VEPH1: variants seen among roughly 807,000 people sequenced by gnomAD.
VEPH1 encodes ventricular zone expressed PH domain containing 1.
In VEPH1, 80 loss-of-function variants were observed where a neutral mutation model predicts 85.2. The observed-to-expected ratio is 0.94, with a 90% CI of 0.78 to 1.13. VEPH1 has a LOEUF of 1.13. VEPH1 is among the 50% of genes most tolerant of loss of function. The probability of loss-of-function intolerance (pLI) is 0.00; values close to 1 mark genes in which losing one functional copy is unlikely to be tolerated. For missense variants in VEPH1, 955 were observed against 980.5 expected (o/e 0.97, Z 0.35); for synonymous variants, 297 against 348.0 (o/e 0.85, Z 1.63).
At chr3:157,364,244 A>G (rs1205198150) in intron 8 of VEPH1, 59 bp downstream of exon 8, 2 of 1,361,616 alleles carry the variant, frequency 1.5e-6, no homozygotes, top group Non-Finnish European at 2.0e-6. Context: ...CAGAGTGATA[A>G]CAAAGCTAAT....
chr3:157,467,215 G>A (rs972906058), intron 3 of VEPH1, among the ~76,000 whole-genome samples: 1 of 151,660 alleles, frequency 6.6e-6, no homozygotes, highest in African/African-American at 2.4e-5. Flanking sequence ...AATGGCCAAG[G>A]GTGCAGGAAG....
chr3:157,437,975 C>T, intron 4 of VEPH1: 1 of 1,504,320 alleles, frequency 6.6e-7, no homozygotes, highest in Non-Finnish European at 8.8e-7. Context: ...GCGCGCGTAA[C>T]GGCAAGCCAA....
intron 7 of VEPH1, among the ~76,000 whole-genome samples, chr3:157,378,952 T>C (rs1728459239): frequency 6.6e-6 from 1 of 152,226 alleles, no homozygotes; most frequent in South Asian, 2.1e-4. Flanking sequence ...GCTCTCATCA[T>C]TTTGTCTAGA....
intron 11 of VEPH1, among the ~76,000 whole-genome samples, chr3:157,289,674 C>T (rs1031371248): frequency 3.9e-5 from 6 of 152,336 alleles, no homozygotes; most frequent in African/African-American, 1.2e-4. Flanking sequence ...CTTCTTTACC[C>T]TTCTGGGTCC....
intron 2 of VEPH1, among the ~76,000 whole-genome samples, chr3:157,481,685 A>G (rs1738112193): frequency 6.6e-6 from 1 of 152,092 alleles, no homozygotes; most frequent in Admixed American, 6.6e-5. Flanking sequence ...TCCCAAGACC[A>G]ATGTCCAAAA....
chr3:157,317,060 AC>A lies in VEPH1; in HGVS notation c.1875+1del, dbSNP rs1720826888. The A allele has an allele frequency of 1.9e-6, 3 of 1,610,576 alleles. No homozygotes were observed. Among genetic ancestry groups the A allele is most frequent in the Non-Finnish European group, 2.5e-6 (3 of 1,178,418 alleles). On this transcript the variant is annotated splice_donor_variant, in intron 10 of 13. Transcript: ENST00000362010. LOFTEE classifies it high-confidence loss of function. ...AGCCTGATGAACACAAATTATACAA[AC>A]CTGCTGAAATAGAAACATGATCTGG...
chr3:157,438,302 C>A (rs900122708), intron 4 of VEPH1, among the ~76,000 whole-genome samples: 1 of 152,046 alleles, frequency 6.6e-6, no homozygotes, highest in African/African-American at 2.4e-5. Context: ...AGCTTCCCTC[C>A]GTTAGGGATT....
At position 157,381,278 on chromosome 3, in the gene VEPH1, G is replaced by A. The variant is rs781661788; in HGVS notation, c.1005C>T (p.Thr335=). ...GGCCCAAGATTGAGGAGAAGGTGTC[G>A]GTGATGCTTTTAATCTCCAGCAGGA... The part of the protein sequence containing the change: ...HILLLEIKSI[T]DTFSSILGPQ... Residue 335 remains threonine (T), a synonymous_variant, in exon 7 of 14, where the codon ACC becomes ACT. Transcript: ENST00000362010. The A allele has an allele frequency of 1.2e-5, 20 of 1,613,910 alleles. No individual in the cohort carries two copies. Among genetic ancestry groups the A allele is most frequent in the African/African-American group, 8.0e-5 (6 of 74,854 alleles).
chr3:157,323,333 T>C (rs1302758431), intron 9 of VEPH1, among the ~76,000 whole-genome samples: 1 of 152,228 alleles, frequency 6.6e-6, no homozygotes, highest in East Asian at 1.9e-4. Flanking sequence ...TTTAATCATT[T>C]GATGTTTTCA....
rs569715162 is a variant in VEPH1 at position 157,397,480 on chromosome 3, G to T, written c.907-16104C>A. Among the ~76,000 whole-genome samples, 863 of 152,254 alleles carry T rather than the reference G, an allele frequency of 5.7e-3. 10 individuals carry two copies. Among genetic ancestry groups the T allele is most frequent in the African/African-American group, 0.02 (827 of 41,542 alleles). On this transcript the variant is annotated intron_variant, in intron 6 of 13. Coordinates refer to ENST00000362010, the MANE Select transcript of VEPH1 (RefSeq NM_001167912.2). ...AATTCTGTGAAGAATGTTAATGGTA[G>T]TTTAGTGGGAATAGCATTGAATCTA...
At chr3:157,407,228 T>G (rs1248209225) in intron 6 of VEPH1, among the ~76,000 whole-genome samples, 1 of 152,038 alleles carries the variant, frequency 6.6e-6, no homozygotes, top group Non-Finnish European at 1.5e-5. Flanking sequence ...AGTTTGGGTT[T>G]AACTTAAACC....
Position 157,348,469 on chromosome 3 carries a change from A to C in VEPH1, c.1735+14895T>G, listed in dbSNP as rs1724491058. ...TGTAACTGGGGTGAGGCAATACCTC[A>C]TTGTGGTTTTGGTTTGCATTTCTTT... is the stretch of plus-strand genomic sequence containing the variant. On this transcript the variant is annotated intron_variant, in intron 9 of 13. Transcript: ENST00000362010. Among the ~76,000 whole-genome samples the C allele has an allele frequency of 2.0e-5, 3 of 151,652 alleles. No homozygotes were observed. The South Asian group carries it at 6.2e-4, about 32-fold the overall frequency.
chr3:157,480,732 T>A (rs1737962947), intron 2 of VEPH1, among the ~76,000 whole-genome samples: 1 of 152,194 alleles, frequency 6.6e-6, no homozygotes, highest in African/African-American at 2.4e-5. Context: ...ATGTCTTTGC[T>A]ATTGTGAATA....
rs370824292 is a variant in VEPH1, at chr3:157,364,434, A to G, written c.1206T>C (p.His402=). ...TKLIVTENED[H]EKLQVKIQAF... is the part of the protein sequence containing the mutation. The stretch of plus-strand genomic sequence containing the variant: ...CCTGGATTTTAACTTGGAGTTTTTC[A>G]TGGTCTTCATTTTCAGTTACTATGA... Residue 402 remains histidine, a synonymous_variant, in exon 8 of 14, where the codon CAT becomes CAC. Coordinates refer to ENST00000362010, the MANE Select transcript of VEPH1 (RefSeq NM_001167912.2). The G allele has an allele frequency of 3.7e-6, 6 of 1,613,798 alleles. No homozygotes were observed. The highest frequency in any genetic ancestry group is 1.3e-5 in the African/African-American group (1 of 74,906).
intron 9 of VEPH1, among the ~76,000 whole-genome samples, chr3:157,360,437 A>G (rs1024835549): frequency 1.3e-5 from 2 of 152,152 alleles, no homozygotes; most frequent in African/African-American, 4.8e-5. Context: ...AAAAGAAAGT[A>G]TTCTTTTTTT....
At chr3:157,409,424 C>T (rs1247665215) in intron 6 of VEPH1, among the ~76,000 whole-genome samples, 1 of 152,020 alleles carries the variant, frequency 6.6e-6, no homozygotes, top group African/African-American at 2.4e-5. Flanking sequence ...ATCGGTTCTC[C>T]CAGAAGCAAA....
intron 9 of VEPH1, among the ~76,000 whole-genome samples, chr3:157,338,346 A>T (rs1405718893): frequency 6.6e-6 from 1 of 152,140 alleles, no homozygotes; most frequent in Non-Finnish European, 1.5e-5. Context: ...ACCCCTCCTG[A>T]TGGACTGACT....
chr3:157,486,291 T>C (rs1054251580), intron 2 of VEPH1, among the ~76,000 whole-genome samples: 3 of 149,950 alleles, frequency 2.0e-5, no homozygotes, highest in Non-Finnish European at 4.5e-5. Context: ...AGGTCAGGAG[T>C]TCAAGACAAG....
intron 7 of VEPH1, among the ~76,000 whole-genome samples, chr3:157,380,225 C>T (rs1728608432): frequency 6.6e-6 from 1 of 152,202 alleles, no homozygotes; most frequent in South Asian, 2.1e-4. Flanking sequence ...CACCTATGCA[C>T]ACTTTTCTGC....
Sources: gnomAD v4.1 joint callset for allele counts (sites outside exome capture counted in the v4.1 genomes callset) on GRCh38, gnomAD v4.1.1 for gene constraint, MANE v1.5 for transcripts, NCBI Gene and HGNC (gene_info 2026-07-23, HGNC 2026-07-21) for gene names.